CRB2: variants seen among roughly 807,000 people sequenced by gnomAD.
CRB2 encodes protein crumbs homolog 2.
CRB2 carries 85 observed loss-of-function variants against 110.9 expected under a neutral mutation model. The ratio of observed to expected loss-of-function variants is 0.77; its 90% CI spans 0.64 to 0.92. The LOEUF (loss-of-function observed/expected upper bound fraction) is 0.92, where lower values mean the gene tolerates loss of function less well. Among genes scored for constraint, CRB2 ranks in the 40% least tolerant of loss-of-function variants. The probability of loss-of-function intolerance (pLI) is 0.00; values close to 1 mark genes in which losing one functional copy is unlikely to be tolerated. For missense variants in CRB2, 1,843 were observed against 1,851.3 expected (o/e 1.00, Z 0.08); for synonymous variants, 907 against 831.0 (o/e 1.09, Z -1.57).
chr9:123,354,937 C>T (rs2041782422), upstream of CRB2, among the ~76,000 whole-genome samples: 1 of 152,192 alleles, frequency 6.6e-6, no homozygotes, highest in Non-Finnish European at 1.5e-5. Flanking sequence ...TCTAGCTCAT[C>T]TGGACCTCCC....
intron 1 of CRB2, among the ~76,000 whole-genome samples, chr9:123,361,699 C>T (rs921931172): frequency 3.9e-5 from 6 of 152,106 alleles, no homozygotes; most frequent in Admixed American, 2.0e-4. Flanking sequence ...CCCTTGACTG[C>T]GGTGCTGGGG....
At chr9:123,376,788 C>G in intron 12 of CRB2, 50 bp from the exon 13 acceptor site, 6 of 1,513,694 alleles carry the variant, frequency 4.0e-6, no homozygotes, top group Non-Finnish European at 3.6e-6. Flanking sequence ...AGGGCCCCGG[C>G]GTCCTCCCCT....
chr9:123,358,187 G>A (rs1422849420), intron 1 of CRB2, among the ~76,000 whole-genome samples: 2 of 152,234 alleles, frequency 1.3e-5, no homozygotes, highest in African/African-American at 2.4e-5. Context: ...TCCTGGAGGG[G>A]ATGGGGGCTT....
At position 123,356,222 on chromosome 9, in the gene CRB2, G is replaced by A. The variant is rs1276477970; in HGVS notation, c.-39G>A. 14 of 1,374,566 alleles carry A rather than the reference G, an allele frequency of 1.0e-5. No homozygotes were observed. The highest frequency in any genetic ancestry group is 1.7e-5 in the African/African-American group (1 of 60,038). 85.1% of individuals were successfully genotyped at this position (1,374,566 alleles called of 1,614,324 possible). A position where few individuals can be genotyped will look rare whatever the true frequency, so the allele number is the denominator to read the frequency against. On this transcript the variant is annotated 5_prime_UTR_variant, in exon 1 of 13. Coordinates refer to ENST00000373631, the MANE Select transcript of CRB2 (RefSeq NM_173689.7). ...GCGGAGCCAGCCAGGCCGCCCTCCCGTTCTCACAGCAGCCGAGCAGAGCGC... is the reference window on the plus strand; with the variant it reads ...GCGGAGCCAGCCAGGCCGCCCTCCCATTCTCACAGCAGCCGAGCAGAGCGC...
At chr9:123,356,184 G>T (rs2041794453), upstream of CRB2, 3 of 998,610 alleles carry the variant, frequency 3.0e-6, no homozygotes, top group Non-Finnish European at 4.2e-6. Context: ...CTGGTTGGAG[G>T]GACGAGGGGG....
Position 123,367,161 on chromosome 9 carries a change from T to TGTGC in CRB2, c.755-10_755-7dup, listed in dbSNP as rs148932652. ...CCGTGAGACCTGATGTCCGCGTGTG[T>TGTGC]GTGCCCCCAGGCTACAGCGGCGAGC... is the stretch of plus-strand genomic sequence containing the variant. On this transcript the variant is annotated splice_polypyrimidine_tract_variant and intron_variant, in intron 4 of 12. Transcript: ENST00000373631. 6,222 of 1,573,808 alleles carry TGTGC rather than the reference T, an allele frequency of 4.0e-3. 194 individuals carry two copies. The African/African-American group carries it at 0.073, about 18-fold the overall frequency.
chr9:123,356,536 G>A (rs1250145491), intron 1 of CRB2, among the ~76,000 whole-genome samples, 182 bp downstream of exon 1: 6 of 149,620 alleles, frequency 4.0e-5, no homozygotes, highest in Non-Finnish European at 7.4e-5. Flanking sequence ...ACGGAGGTGA[G>A]TGTGTTCTGA....
chr9:123,373,633 C>T lies in CRB2; in HGVS notation c.3102C>T (p.Ala1034=). Residue 1034 remains alanine, a synonymous_variant, in exon 10 of 13, where the codon GCC becomes GCT. Coordinates refer to ENST00000373631, the MANE Select transcript of CRB2 (RefSeq NM_173689.7). ...LPLARPRPGA[A]PGAREHFASW... ...TGGCGCGGCCCCGGCCCGGCGCGGC[C>T]CCTGGCGCCCGAGAGCACTTCGCGT... 1.5e-6 allele frequency: 2 copies of T among 1,372,928 alleles called. No individual in the cohort carries two copies. The highest frequency in any genetic ancestry group is 1.9e-6 in the Non-Finnish European group (2 of 1,071,174). 85.0% of individuals were successfully genotyped at this position (1,372,928 alleles called of 1,614,324 possible). A position where few individuals can be genotyped will look rare whatever the true frequency, so the allele number is the denominator to read the frequency against.
chr9:123,361,137 A>AGGGGGGGG (rs1554781920), intron 1 of CRB2, among the ~76,000 whole-genome samples: 1 of 53,790 alleles, frequency 1.9e-5, no homozygotes, highest in African/African-American at 4.0e-5. Context: ...ATGGGCGGGG[A>AGGGGGGGG]GGGGGGGGGG....
chr9:123,371,530 G>A lies in CRB2; in HGVS notation c.2388G>A (p.Arg796=). The A allele has an allele frequency of 6.2e-7, 1 of 1,613,168 alleles. No homozygotes were observed. Among genetic ancestry groups the A allele is most frequent in the Non-Finnish European group, 8.5e-7 (1 of 1,180,038 alleles). ...NSSQPSELGG[R]QSWNLTAGCV... ...GCCAGCCCAGCGAGCTCGGCGGCAG[G>A]CAGTCCTGGAACCTCACTGCGGGCT... The change falls in exon 8 of 13, where the codon AGG becomes AGA. Residue 796 remains arginine (R), a synonymous_variant. Coordinates refer to ENST00000373631, the MANE Select transcript of CRB2 (RefSeq NM_173689.7).
intron 6 of CRB2, among the ~76,000 whole-genome samples, chr9:123,369,654 T>C (rs1379528216): frequency 6.6e-6 from 1 of 152,148 alleles, no homozygotes; most frequent in Admixed American, 6.5e-5. Context: ...GAGAGCCTGG[T>C]AGGACCCAGC....
intron 10 of CRB2, 46 bp from the exon 11 acceptor site, chr9:123,374,533 G>A: frequency 1.4e-6 from 2 of 1,422,792 alleles, no homozygotes; most frequent in Non-Finnish European, 2.0e-6. Flanking sequence ...GGGGAGGGCA[G>A]GTCCCAGGTG....
At chr9:123,374,845 C>A (rs530810463) in intron 11 of CRB2, 150 bp downstream of exon 11, 2 of 634,860 alleles carry the variant, frequency 3.2e-6, no homozygotes, top group Non-Finnish European at 5.5e-6. Flanking sequence ...TTCCATGACT[C>A]GCAAGACCAT....
chr9:123,366,575 G>C (rs146684461), intron 4 of CRB2, among the ~76,000 whole-genome samples: 1 of 152,220 alleles, frequency 6.6e-6, no homozygotes, highest in Non-Finnish European at 1.5e-5. Flanking sequence ...GGGTTGCTGC[G>C]GGGAGCTCGA....
intron 1 of CRB2, among the ~76,000 whole-genome samples, chr9:123,362,430 G>A (rs902432618): frequency 2.0e-5 from 3 of 152,160 alleles, no homozygotes; most frequent in Non-Finnish European, 4.4e-5. Flanking sequence ...CTGTCCCAGC[G>A]AACACTAACT....
At chr9:123,369,324 C>T (rs1338598534) in intron 6 of CRB2, among the ~76,000 whole-genome samples, 1 of 152,192 alleles carries the variant, frequency 6.6e-6, no homozygotes, top group East Asian at 1.9e-4. Context: ...ATGTCAGGCC[C>T]TTTGCTGGGC....
At chr9:123,376,628 A>C (rs2042107093) in intron 12 of CRB2, among the ~76,000 whole-genome samples, 1 of 152,148 alleles carries the variant, frequency 6.6e-6, no homozygotes, top group African/African-American at 2.4e-5. Flanking sequence ...CCTTTGTTGT[A>C]TAGGCCTCCC....
At chr9:123,368,418 C>T (rs1192554186) in intron 6 of CRB2, among the ~76,000 whole-genome samples, 1 of 152,212 alleles carries the variant, frequency 6.6e-6, no homozygotes, top group Non-Finnish European at 1.5e-5. Flanking sequence ...CGAGGTTCCC[C>T]AAGTCCTGCT....
At position 123,370,269 on chromosome 9, in the gene CRB2, C is replaced by A; in HGVS notation, c.1216C>A (p.Pro406Thr). 1 of 1,613,360 alleles carries A rather than the reference C, an allele frequency of 6.2e-7. No homozygotes were observed. The highest frequency in any genetic ancestry group is 8.5e-7 in the Non-Finnish European group (1 of 1,180,020). The change falls in exon 7 of 13, where the codon CCG becomes ACG. Residue 406 changes from proline to threonine, a missense_variant. Pro to Thr is a conservative substitution (Grantham distance 38). Coordinates refer to ENST00000373631, the MANE Select transcript of CRB2 (RefSeq NM_173689.7). ...QLTGCQGHTC[P>T]LAATCIPIFE... ...CACTGGCTGCCAGGGCCACACCTGCCCGCTGGCTGCCACCTGCATCCCTAT... is the reference window on the plus strand; with the variant it reads ...CACTGGCTGCCAGGGCCACACCTGCACGCTGGCTGCCACCTGCATCCCTAT...
Sources: allele counts gnomAD v4.1 joint callset (sites outside exome capture counted in the v4.1 genomes callset), GRCh38; gene constraint gnomAD v4.1.1; transcripts MANE v1.5; gene names NCBI Gene and HGNC (gene_info 2026-07-23, HGNC 2026-07-21).